Variants in GPC3 observed in about 807,000 individuals in gnomAD.
The protein encoded by GPC3 is glypican 3, also known as glypican-3.
Under a neutral mutation model 34.4 loss-of-function variants are expected in GPC3, and 3 were observed. The observed-to-expected ratio is 0.09, with a 90% CI of 0.04 to 0.23. The LOEUF is 0.23. Ranked by LOEUF, GPC3 falls within the 10% of genes least tolerant of loss-of-function variation. The pLI is 1.00. For synonymous variants in GPC3, 177 were observed against 174.0 expected (o/e 1.02, Z -0.13); for missense variants, 351 against 445.6 (o/e 0.79, Z 1.91).
intron 2 of GPC3, among the ~76,000 whole-genome samples, chrX:133,800,566 A>C (rs2075604433): frequency 8.9e-6 from 1 of 111,932 alleles, no homozygotes; most frequent in Admixed American, 9.5e-5. Flanking sequence ...GTTTGGGCTC[A>C]TTTTTTTCTG....
chrX:133,724,419 T>C (rs1295835141), intron 3 of GPC3, among the ~76,000 whole-genome samples: 2 of 112,295 alleles, frequency 1.8e-5, no homozygotes, highest in African/African-American at 3.2e-5. Context: ...ACCTACATTA[T>C]AAGAATCTCC....
At chrX:133,813,510 G>A (rs2075675118) in intron 2 of GPC3, among the ~76,000 whole-genome samples, 1 of 112,327 alleles carries the variant, frequency 8.9e-6, no homozygotes, top group Non-Finnish European at 1.9e-5. Context: ...TTTTCTGAAA[G>A]GATAGGTAAA....
intron 2 of GPC3, among the ~76,000 whole-genome samples, chrX:133,946,295 C>T (rs998698333): frequency 3.6e-5 from 4 of 111,737 alleles, no homozygotes; most frequent in Admixed American, 9.5e-5. Context: ...GTACTTCCTG[C>T]GTTCAATTCT....
intron 7 of GPC3, among the ~76,000 whole-genome samples, chrX:133,546,246 G>T (rs2069385703): frequency 9.0e-6 from 1 of 110,656 alleles, no homozygotes; most frequent in African/African-American, 3.3e-5. Context: ...GAGACATTAA[G>T]GTTATTATTA....
At chrX:133,848,315 A>G (rs148581335) in intron 2 of GPC3, among the ~76,000 whole-genome samples, 221 of 112,035 alleles carry the variant, frequency 2.0e-3, no homozygotes, top group African/African-American at 6.7e-3. Flanking sequence ...AGGAAAAAAC[A>G]GAGAAATAAT....
chrX:133,904,616 T>A (rs892734566), intron 2 of GPC3, among the ~76,000 whole-genome samples: 3 of 111,518 alleles, frequency 2.7e-5, no homozygotes, highest in Non-Finnish European at 5.6e-5. Context: ...TCCCCGTCAA[T>A]AGTAATTCTA....
intron 2 of GPC3, among the ~76,000 whole-genome samples, chrX:133,840,444 G>C (rs184027434): frequency 4.9e-4 from 55 of 111,170 alleles, no homozygotes; most frequent in African/African-American, 1.7e-3. Context: ...GTGTGATCTT[G>C]GGAGCCTCAG....
chrX:133,576,720 G>A (rs999316133), intron 7 of GPC3, among the ~76,000 whole-genome samples: 1 of 110,645 alleles, frequency 9.0e-6, no homozygotes, highest in Non-Finnish European at 1.9e-5. Context: ...GTTGGTTATT[G>A]TTATTGTTAT....
At chrX:133,941,689 G>A (rs771961876) in intron 2 of GPC3, among the ~76,000 whole-genome samples, 2 of 111,445 alleles carry the variant, frequency 1.8e-5, no homozygotes, top group African/African-American at 6.5e-5. Flanking sequence ...AATTAGTAAA[G>A]AATCAAAGAA....
intron 3 of GPC3, 103 bp downstream of exon 3, chrX:133,753,379 C>T (rs1348825558): frequency 1.3e-5 from 8 of 635,719 alleles, no homozygotes; most frequent in South Asian, 1.1e-4. Flanking sequence ...CACCCCTTCC[C>T]CACCTTCCAA....
At chrX:133,716,666 G>A (rs1229887979) in intron 3 of GPC3, among the ~76,000 whole-genome samples, 2 of 111,578 alleles carry the variant, frequency 1.8e-5, no homozygotes, top group African/African-American at 3.3e-5. Context: ...AAAATGAGTA[G>A]CACCTCAGAA....
At chrX:133,563,496 A>G (rs2069556498) in intron 7 of GPC3, among the ~76,000 whole-genome samples, 1 of 112,468 alleles carries the variant, frequency 8.9e-6, no homozygotes, top group African/African-American at 3.2e-5. Context: ...AATCAGATTT[A>G]TACATTTTGC....
rs1449654880 is a variant in GPC3 at position 133,536,128 on chromosome X, T to C, written c.1739A>G (p.His580Arg). 2 of 1,202,868 alleles carry C rather than the reference T, an allele frequency of 1.7e-6. No homozygotes were observed. The highest frequency in any genetic ancestry group is 4.4e-5 in the Admixed American group (2 of 45,860). Residue 580 changes from histidine to arginine, a missense_variant, in exon 8 of 8, where the codon CAC becomes CGC. Coordinates refer to ENST00000370818, the MANE Select transcript of GPC3 (RefSeq NM_004484.4). ...ISVVCFFFLV[H>R] ...CATGTGCTGGGCACCAGGCAGTCAG[T>C]GCACCAGGAAGAAGAAGCACACCAC... is the stretch of plus-strand genomic sequence containing the variant.
intron 6 of GPC3, among the ~76,000 whole-genome samples, chrX:133,654,748 A>G (rs982600425): frequency 9.0e-6 from 1 of 111,405 alleles, no homozygotes; most frequent in Non-Finnish European, 1.9e-5. Context: ...ACGATGCTGC[A>G]TTTGGCCAGT....
intron 2 of GPC3, among the ~76,000 whole-genome samples, chrX:133,850,907 C>T (rs767691065): frequency 6.6e-5 from 7 of 105,757 alleles, no homozygotes; most frequent in Non-Finnish European, 1.4e-4. Context: ...CTGGTTACCA[C>T]GGGGTAGAGA....
chrX:133,974,256 C>T (rs1272642265), intron 1 of GPC3, among the ~76,000 whole-genome samples: 2 of 111,718 alleles, frequency 1.8e-5, no homozygotes, highest in Admixed American at 9.5e-5. Context: ...CACTATGTTG[C>T]CCAGGCTGGT....
chrX:133,798,553 A>G, intron 2 of GPC3, among the ~76,000 whole-genome samples: 1 of 112,329 alleles, frequency 8.9e-6, no homozygotes, highest in Middle Eastern at 4.6e-3. Context: ...ACCTTTTATG[A>G]ATACAACACA....
At chrX:133,701,178 T>TAA (rs2071164399) in intron 3 of GPC3, among the ~76,000 whole-genome samples, 1 of 111,833 alleles carries the variant, frequency 8.9e-6, no homozygotes, top group Non-Finnish European at 1.9e-5. Context: ...TTTTTTGGTT[T>TAA]AATTCTTAGT....
At chrX:133,801,980 G>A (rs1000467514) in intron 2 of GPC3, among the ~76,000 whole-genome samples, 11 of 111,534 alleles carry the variant, frequency 9.9e-5, no homozygotes, top group African/African-American at 2.9e-4. Context: ...TGGGCCTGGG[G>A]AAGAAAAAAA....
Sources: allele counts gnomAD v4.1 joint callset (sites outside exome capture counted in the v4.1 genomes callset), GRCh38; gene constraint gnomAD v4.1.1; transcripts MANE v1.5; gene names NCBI Gene and HGNC (gene_info 2026-07-23, HGNC 2026-07-21).